KYNU: variants seen among roughly 807,000 people sequenced by gnomAD.
KYNU encodes L-kynurenine hydrolase.
In KYNU, 54 loss-of-function variants were observed where a neutral mutation model predicts 59.2. The observed-to-expected ratio is 0.91, with a 90% CI of 0.73 to 1.14. KYNU has a LOEUF of 1.14. KYNU is among the 50% of genes most tolerant of loss of function. The pLI, the probability that KYNU is intolerant of heterozygous loss-of-function variation, is 0.00. For synonymous variants in KYNU, 177 were observed against 192.0 expected, an observed-to-expected ratio of 0.92 and a Z score of 0.65; for missense variants, 567 against 554.4, an observed-to-expected ratio of 1.02 and a Z score of -0.23.
At chr2:142,942,881 G>A (rs1683647460) in intron 4 of KYNU, among the ~76,000 whole-genome samples, 2 of 152,182 alleles carry the variant, frequency 1.3e-5, no homozygotes, top group Non-Finnish European at 2.9e-5. Context: ...CTTGGGAGGG[G>A]CTGCATGTGC....
chr2:142,972,078 T>C (rs1684742898), intron 8 of KYNU, among the ~76,000 whole-genome samples: 1 of 152,204 alleles, frequency 6.6e-6, no homozygotes, highest in Non-Finnish European at 1.5e-5. Flanking sequence ...AGAAAGACTG[T>C]AGAAGAGAAC....
intron 12 of KYNU, among the ~76,000 whole-genome samples, chr2:143,035,690 C>T (rs1367739334): frequency 6.6e-6 from 1 of 152,206 alleles, no homozygotes. Flanking sequence ...TCCTGGGGTT[C>T]AAGTGATCCT....
At position 143,008,085 on chromosome 2, in the gene KYNU, A is replaced by G. The variant is rs1044209474; in HGVS notation, c.903-21542A>G. Among the ~76,000 whole-genome samples, 17 of 121,314 alleles carry G rather than the reference A, an allele frequency of 1.4e-4. 4 individuals carry two copies. Among genetic ancestry groups the G allele is most frequent in the African/African-American group, 3.3e-4 (9 of 27,402 alleles). 79.6% of individuals were successfully genotyped at this position (121,314 alleles called of 152,430 possible). A position where few individuals can be genotyped will look rare whatever the true frequency, so the allele number is the denominator to read the frequency against. ...TTAACTTTAAATGTAAATGGACTAA[A>G]TTCTCCAATTAAAAGACACAGACTG... On this transcript the variant is annotated intron_variant, in intron 10 of 13. Transcript: ENST00000264170.
intron 4 of KYNU, among the ~76,000 whole-genome samples, chr2:142,944,839 G>GT (rs1242037047): frequency 1.3e-5 from 2 of 152,188 alleles, no homozygotes; most frequent in Non-Finnish European, 2.9e-5. Context: ...GGTTGCTGCA[G>GT]TAATGCAAAT....
At chr2:142,956,871 A>G (rs1684180297) in intron 6 of KYNU, among the ~76,000 whole-genome samples, 1 of 152,180 alleles carries the variant, frequency 6.6e-6, no homozygotes, top group Non-Finnish European at 1.5e-5. Flanking sequence ...GTCTGGGCAC[A>G]GTGGCTCACT....
At chr2:142,950,922 T>C (rs1212347669) in intron 4 of KYNU, among the ~76,000 whole-genome samples, 6 of 152,128 alleles carry the variant, frequency 3.9e-5, no homozygotes, top group Non-Finnish European at 7.3e-5. Context: ...GGTTATTGAT[T>C]GGCTTATTTT....
In KYNU at chr2:143,046,878, A is replaced by G. The variant is rs1687172321; in HGVS notation, c.*4706A>G. On this transcript the variant is annotated 3_prime_UTR_variant, in exon 14 of 14. Transcript: ENST00000264170. Reference sequence around the variant, plus strand: ...TTCAATTGAACTGCAATTAAATTTTAGATCAGTTTTGGAAGAATTGACTCA... The same window carrying G: ...TTCAATTGAACTGCAATTAAATTTTGGATCAGTTTTGGAAGAATTGACTCA... 1 of 152,178 alleles carries G rather than the reference A, an allele frequency of 6.6e-6. No homozygotes were observed. The highest frequency in any genetic ancestry group is 2.4e-5 in the African/African-American group (1 of 41,444). The allele number at this position is 152,178 out of a possible 1,614,324, so 9.4% of individuals were successfully genotyped here. A position where few individuals can be genotyped will look rare whatever the true frequency, so the allele number is the denominator to read the frequency against.
intron 2 of KYNU, among the ~76,000 whole-genome samples, chr2:142,899,618 C>G (rs1301585860): frequency 6.7e-6 from 1 of 149,258 alleles, no homozygotes; most frequent in Non-Finnish European, 1.5e-5. Flanking sequence ...AGGAGGAGTG[C>G]CTTTGATGTC....
intron 2 of KYNU, among the ~76,000 whole-genome samples, chr2:142,906,229 T>C (rs1429792838): frequency 6.6e-6 from 1 of 152,244 alleles, no homozygotes; most frequent in African/African-American, 2.4e-5. Context: ...TTTGCTTTCA[T>C]CCTGATCTAT....
At chr2:142,988,338 C>T (rs1685284940) in intron 10 of KYNU, among the ~76,000 whole-genome samples, 1 of 151,834 alleles carries the variant, frequency 6.6e-6, no homozygotes, top group African/African-American at 2.4e-5. Context: ...GAAAATATAA[C>T]CTCAAAGTTT....
At position 143,054,372 on chromosome 2, in the gene KYNU, TTC is replaced by T. The variant is rs1355392071; in HGVS notation, c.*12202_*12203del. The T allele has an allele frequency of 2.6e-5, 4 of 152,308 alleles. No individual in the cohort carries two copies. In the East Asian group the frequency reaches 7.7e-4, roughly 29 times the overall value. 9.4% of individuals were successfully genotyped at this position (152,308 alleles called of 1,614,324 possible). On this transcript the variant is annotated 3_prime_UTR_variant, in exon 14 of 14. Transcript: ENST00000264170. ...ATAAATACTCTACTTTGGAAAATTA[TTC>T]TTTATAGGAAATTACAGATAATATT...
intron 2 of KYNU, among the ~76,000 whole-genome samples, chr2:142,908,600 T>C (rs1462405436): frequency 2.0e-5 from 3 of 152,148 alleles, no homozygotes; most frequent in South Asian, 2.1e-4. Context: ...CCTGATGTGA[T>C]AGACCAGTAT....
At chr2:142,880,970 C>T (rs766481938) in intron 1 of KYNU, among the ~76,000 whole-genome samples, 1 of 152,150 alleles carries the variant, frequency 6.6e-6, no homozygotes, top group Non-Finnish European at 1.5e-5. Flanking sequence ...GTATTATTAT[C>T]GTAAGTAAAG....
intron 8 of KYNU, among the ~76,000 whole-genome samples, chr2:142,968,558 A>C (rs1489293093): frequency 3.3e-5 from 5 of 152,170 alleles, no homozygotes; most frequent in Non-Finnish European, 7.4e-5. Flanking sequence ...TGATGAGAAT[A>C]GATTGGAATG....
intron 5 of KYNU, among the ~76,000 whole-genome samples, 156 bp from the exon 6 acceptor site, chr2:142,956,047 T>C (rs1684152278): frequency 6.6e-6 from 1 of 152,112 alleles, no homozygotes; most frequent in African/African-American, 2.4e-5. Context: ...ACTGGAAACA[T>C]GGCTAATTGA....
At chr2:142,912,085 C>T (rs1682497583) in intron 2 of KYNU, among the ~76,000 whole-genome samples, 1 of 152,016 alleles carries the variant, frequency 6.6e-6, no homozygotes, top group South Asian at 2.1e-4. Context: ...GGAGGAGTCA[C>T]CCCCTCCTTA....
chr2:143,019,781 C>G (rs959051746), intron 10 of KYNU, among the ~76,000 whole-genome samples: 2 of 151,928 alleles, frequency 1.3e-5, no homozygotes, highest in South Asian at 4.1e-4. Context: ...GAATCCATCA[C>G]GTCTTTGGAT....
At position 143,051,812 on chromosome 2, in the gene KYNU, A is replaced by C. The variant is rs1290571519; in HGVS notation, c.*9640A>C. 6.6e-6 allele frequency: 1 copy of C among 152,302 alleles called. No individual in the cohort carries two copies. The allele number at this position is 152,302 out of a possible 1,614,324, so 9.4% of individuals were successfully genotyped here. On this transcript the variant is annotated 3_prime_UTR_variant, in exon 14 of 14. Coordinates refer to ENST00000264170, the MANE Select transcript of KYNU (RefSeq NM_003937.3). Reference sequence around the variant, plus strand: ...GTCTTTATCAGCAGCCTGAAAACTGACTAATATAGTAAGTTGGCACCAGTA... The same window carrying C: ...GTCTTTATCAGCAGCCTGAAAACTGCCTAATATAGTAAGTTGGCACCAGTA...
chr2:143,038,777 G>C (rs892795355), intron 12 of KYNU, among the ~76,000 whole-genome samples: 2 of 152,068 alleles, frequency 1.3e-5, no homozygotes, highest in African/African-American at 4.8e-5. Context: ...AATGGTTTGA[G>C]TTTTATTAGA....
Sources: allele counts gnomAD v4.1 joint callset (sites outside exome capture counted in the v4.1 genomes callset), GRCh38; gene constraint gnomAD v4.1.1; transcripts MANE v1.5; gene names NCBI Gene and HGNC (gene_info 2026-07-23, HGNC 2026-07-21).